Variants in OPHN1 observed in about 807,000 individuals in gnomAD.
OPHN1 encodes oligophrenin 1.
In OPHN1, 11 loss-of-function variants were observed where a neutral mutation model predicts 60.7. That is an observed-to-expected ratio of 0.18 (90% CI 0.11 to 0.30). The LOEUF (loss-of-function observed/expected upper bound fraction) is 0.30. OPHN1 is among the 10% of genes least tolerant of loss of function. The probability of loss-of-function intolerance (pLI) is 1.00; values close to 1 mark genes in which losing one functional copy is unlikely to be tolerated. For synonymous variants in OPHN1, 226 were observed against 222.6 expected (o/e 1.02, Z -0.14); for missense variants, 449 against 611.0 (o/e 0.73, Z 2.80).
At chrX:68,067,481 G>A (rs1363332849) in intron 20 of OPHN1, among the ~76,000 whole-genome samples, 1 of 109,688 alleles carries the variant, frequency 9.1e-6, no homozygotes, top group African/African-American at 3.3e-5. Context: ...ATGATTTTGG[G>A]GGGCAGAGGG....
intron 2 of OPHN1, among the ~76,000 whole-genome samples, chrX:68,401,054 G>C (rs1357626790): frequency 8.9e-6 from 1 of 111,753 alleles, no homozygotes; most frequent in East Asian, 2.8e-4. Context: ...GGAGGATGGT[G>C]TTAAACCACA....
intron 2 of OPHN1, among the ~76,000 whole-genome samples, chrX:68,346,092 C>A (rs771730822): frequency 8.9e-6 from 1 of 111,977 alleles, no homozygotes; most frequent in South Asian, 3.8e-4. Flanking sequence ...CGCACCACTG[C>A]ACTCCAGCCT....
chrX:68,176,719 A>AT (rs1253086248), intron 15 of OPHN1, among the ~76,000 whole-genome samples: 38 of 111,067 alleles, frequency 3.4e-4, no homozygotes, highest in Non-Finnish European at 5.9e-4. Flanking sequence ...GGCAGTTGCA[A>AT]TTTTTTTGAA....
At chrX:68,202,034 G>A (rs1462808409) in intron 10 of OPHN1, among the ~76,000 whole-genome samples, 1 of 111,649 alleles carries the variant, frequency 9.0e-6, no homozygotes, top group African/African-American at 3.3e-5. Context: ...TGACTGAATG[G>A]CATTAAGTGT....
chrX:68,402,282 A>G (rs2069689219), intron 2 of OPHN1, among the ~76,000 whole-genome samples: 1 of 108,140 alleles, frequency 9.2e-6, no homozygotes, highest in South Asian at 4.2e-4. Flanking sequence ...GGGAGAAGAA[A>G]GAAGGGAGAA....
In OPHN1 at chrX:68,052,544, C is replaced by T; in HGVS notation, c.2371G>A (p.Gly791Arg). 1 of 1,206,028 alleles carries T rather than the reference C, an allele frequency of 8.3e-7. No individual in the cohort carries two copies. Among genetic ancestry groups the T allele is most frequent in the South Asian group, 1.8e-5 (1 of 55,679 alleles). Reference protein sequence around the residue: ...RFFETASRKTGSSQGRLPGDE... With the variant: ...RFFETASRKTRSSQGRLPGDE... ...TTTGTCACCTCCATATCTTACCTTCCTGTTTTCCGGGAAGCTGTTTCAAAA... is the reference window on the plus strand; with the variant it reads ...TTTGTCACCTCCATATCTTACCTTCTTGTTTTCCGGGAAGCTGTTTCAAAA... Residue 791 changes from glycine (G) to arginine (R), a missense_variant, in exon 23 of 25, where the codon GGA becomes AGA. Coordinates refer to ENST00000355520, the MANE Select transcript of OPHN1 (RefSeq NM_002547.3).
At chrX:68,235,231 A>C (rs1370311403) in intron 5 of OPHN1, among the ~76,000 whole-genome samples, 1 of 112,344 alleles carries the variant, frequency 8.9e-6, no homozygotes, top group Non-Finnish European at 1.9e-5. Flanking sequence ...AATTTAATTA[A>C]GTTCTCTGCT....
chrX:68,128,630 T>C (rs1028315840), intron 15 of OPHN1, among the ~76,000 whole-genome samples: 5 of 112,091 alleles, frequency 4.5e-5, no homozygotes, highest in Non-Finnish European at 9.4e-5. Context: ...AGACTAAATA[T>C]TGCATGTTGT....
At chrX:68,137,189 T>C (rs1258192404) in intron 15 of OPHN1, among the ~76,000 whole-genome samples, 2 of 111,584 alleles carry the variant, frequency 1.8e-5, no homozygotes, top group Non-Finnish European at 3.8e-5. Context: ...TGGAAACACA[T>C]ATATAAAGAG....
At chrX:68,416,067 T>TAGAG (rs1171250178) in intron 2 of OPHN1, among the ~76,000 whole-genome samples, 24 of 8,316 alleles carry the variant, frequency 2.9e-3, no homozygotes, top group South Asian at 0.011. Flanking sequence ...TATATATATA[T>TAGAG]AGAGAGAGAG....
intron 15 of OPHN1, among the ~76,000 whole-genome samples, chrX:68,188,068 A>G (rs2077471669): frequency 8.9e-6 from 1 of 112,300 alleles, no homozygotes; most frequent in Admixed American, 9.5e-5. Context: ...CTGCAGCAGG[A>G]AGCAGGTGGG....
intron 2 of OPHN1, among the ~76,000 whole-genome samples, chrX:68,422,786 AGAGGGAGG>A (rs1186609970): frequency 1.7e-5 from 1 of 60,446 alleles, no homozygotes; most frequent in African/African-American, 6.7e-5. Flanking sequence ...AGAAAGAGAG[AGAGGGAGG>A]GAGGGAGGGA....
At chrX:68,192,358 G>C (rs2077492170) in intron 15 of OPHN1, among the ~76,000 whole-genome samples, 1 of 109,407 alleles carries the variant, frequency 9.1e-6, no homozygotes, top group South Asian at 4.0e-4. Context: ...AATCAGCCTG[G>C]TGTAGTGGCA....
intron 5 of OPHN1, among the ~76,000 whole-genome samples, chrX:68,260,145 C>CT (rs796276683): frequency 2.3e-3 from 238 of 102,924 alleles, no homozygotes; most frequent in South Asian, 8.6e-3. Flanking sequence ...CTTTGTGATT[C>CT]TTTTTTTTTT....
intron 2 of OPHN1, among the ~76,000 whole-genome samples, chrX:68,365,555 G>A (rs918600715): frequency 2.7e-5 from 3 of 111,553 alleles, no homozygotes; most frequent in Non-Finnish European, 5.6e-5. Context: ...AATGTCTCTC[G>A]AGAGAATTAC....
intron 18 of OPHN1, among the ~76,000 whole-genome samples, chrX:68,097,728 G>A (rs771318695): frequency 9.0e-6 from 1 of 110,691 alleles, no homozygotes; most frequent in East Asian, 2.9e-4. Context: ...CATAACTTGA[G>A]TAACTTGACC....
At chrX:68,354,587 G>C (rs768393455) in intron 2 of OPHN1, among the ~76,000 whole-genome samples, 24 of 102,533 alleles carry the variant, frequency 2.3e-4, no homozygotes, top group South Asian at 4.7e-4. Flanking sequence ...GTGAAACCCC[G>C]ACTCTACTAA....
intron 5 of OPHN1, among the ~76,000 whole-genome samples, chrX:68,237,336 T>A (rs1186954236): frequency 8.9e-6 from 1 of 112,406 alleles, no homozygotes; most frequent in Non-Finnish European, 1.9e-5. Flanking sequence ...TTTTCTATTC[T>A]GGTCCTTTCC....
At chrX:68,173,577 G>T (rs1245562131) in intron 15 of OPHN1, among the ~76,000 whole-genome samples, 1 of 110,919 alleles carries the variant, frequency 9.0e-6, no homozygotes, top group Non-Finnish European at 1.9e-5. Context: ...AAGGCACATT[G>T]TAAACATCCA....
Sources: gnomAD v4.1 joint callset for allele counts (sites outside exome capture counted in the v4.1 genomes callset) on GRCh38, gnomAD v4.1.1 for gene constraint, MANE v1.5 for transcripts, NCBI Gene and HGNC (gene_info 2026-07-23, HGNC 2026-07-21) for gene names.